The following PDS5B variants were observed in gnomAD, a reference collection of about 807,000 sequenced individuals.
The protein encoded by PDS5B is PDS5 cohesin associated factor B, also known as sister chromatid cohesion protein PDS5 homolog B.
A neutral mutation model predicts 184.1 loss-of-function variants in PDS5B; 51 were observed. That is an observed-to-expected ratio of 0.28 (90% CI 0.22 to 0.35). The LOEUF (loss-of-function observed/expected upper bound fraction) is 0.35. Among genes scored for constraint, PDS5B ranks in the 10% least tolerant of loss-of-function variants. The probability of loss-of-function intolerance (pLI) is 1.00; values close to 1 mark genes in which losing one functional copy is unlikely to be tolerated. For missense variants in PDS5B, 1,180 were observed against 1,723.3 expected (o/e 0.68, Z 5.58); for synonymous variants, 566 against 569.2 (o/e 0.99, Z 0.08).
intron 5 of PDS5B, among the ~76,000 whole-genome samples, chr13:32,658,868 C>A (rs766259763): frequency 3.3e-5 from 5 of 151,982 alleles, no homozygotes; most frequent in Admixed American, 6.5e-5. Context: ...CAGAGCAATT[C>A]AATTTTCTGA....
chr13:32,613,960 A>G (rs1159220363), intron 1 of PDS5B, among the ~76,000 whole-genome samples: 1 of 152,132 alleles, frequency 6.6e-6, no homozygotes, highest in Non-Finnish European at 1.5e-5. Context: ...CGTGTTGATA[A>G]CCTGTTCTGT....
At chr13:32,770,051 T>C in intron 31 of PDS5B, 70 bp from the exon 32 acceptor site, 1 of 1,365,004 alleles carries the variant, frequency 7.3e-7, no homozygotes, top group Non-Finnish European at 1.0e-6. Context: ...CAGATTTTTT[T>C]GTTTCATTCC....
intron 1 of PDS5B, among the ~76,000 whole-genome samples, chr13:32,608,591 A>G (rs1342242372): frequency 1.3e-5 from 2 of 152,192 alleles, no homozygotes; most frequent in Non-Finnish European, 2.9e-5. Flanking sequence ...GGGGGAGATC[A>G]TGGTTAAGCT....
chr13:32,672,689 C>T (rs77388065), intron 7 of PDS5B, among the ~76,000 whole-genome samples: 3 of 152,116 alleles, frequency 2.0e-5, no homozygotes, highest in Non-Finnish European at 4.4e-5. Context: ...AGATGAATGT[C>T]CCAGCCCAGA....
rs184437539 is a variant in PDS5B at position 32,603,128 on chromosome 13, G to T, written c.-20+16535G>T. Among the ~76,000 whole-genome samples, 45 of 152,304 alleles carry T rather than the reference G, an allele frequency of 3.0e-4. No individual in the cohort carries two copies. In the East Asian group the frequency reaches 8.3e-3, roughly 28 times the overall value. Reference sequence around the variant, plus strand: ...ATCCCATTTGTCAATTTTGGCATTTGTTGCCATTGCTTTTGGTGTTTTAGT... The same window carrying T: ...ATCCCATTTGTCAATTTTGGCATTTTTTGCCATTGCTTTTGGTGTTTTAGT... On this transcript the variant is annotated intron_variant, in intron 1 of 34. Transcript: ENST00000315596.
chr13:32,719,782 AC>A lies in PDS5B; in HGVS notation c.2123+9686del, dbSNP rs36113672. 2.1e-3 allele frequency among the ~76,000 whole-genome samples: 250 copies of A among 120,488 alleles called. 1 individual carries two copies. The highest frequency in any genetic ancestry group is 4.6e-3 in the Admixed American group (56 of 12,066). The allele number at this position is 120,488 out of a possible 152,430, so 79.0% of individuals were successfully genotyped here. Reference sequence around the variant, plus strand: ...AGGTTAATACCTGCAATGTATAAAGACCCCCCCCCCTTTTTTTTTTGTTTGA... The same window carrying A: ...AGGTTAATACCTGCAATGTATAAAGACCCCCCCCCTTTTTTTTTTGTTTGA... On this transcript the variant is annotated intron_variant, in intron 19 of 34. Transcript: ENST00000315596.
intron 24 of PDS5B, among the ~76,000 whole-genome samples, chr13:32,751,792 A>G (rs1337423972): frequency 6.6e-6 from 1 of 152,094 alleles, no homozygotes; most frequent in Non-Finnish European, 1.5e-5. Context: ...ATTTTCTCCC[A>G]TTCTGTAGTT....
chr13:32,773,308 A>G lies in PDS5B; in HGVS notation c.4292A>G (p.Glu1431Gly). 3 of 1,611,882 alleles carry G rather than the reference A, an allele frequency of 1.9e-6. No individual in the cohort carries two copies. The highest frequency in any genetic ancestry group is 2.5e-6 in the Non-Finnish European group (3 of 1,179,034). Residue 1431 changes from glutamate (E) to glycine (G), a missense_variant, in exon 34 of 35, where the codon GAA (glutamate) becomes GGA (glycine). Glu to Gly is a moderately conservative substitution (Grantham distance 98). Around this residue, in one of 11 missense-constraint regions of PDS5B, gnomAD observed 465 missense variants for 497.8 expected, o/e 0.93. Coordinates refer to ENST00000315596, the MANE Select transcript of PDS5B (RefSeq NM_015032.4). The part of the protein sequence containing the change: ...DIPQEETEEE[E>G]VSTVNVRRRS... ...CCACAGGAAGAAACAGAGGAGGAGGAAGTTTCTACAGTAAATGTATGTGTT... is the reference window on the plus strand; with the variant it reads ...CCACAGGAAGAAACAGAGGAGGAGGGAGTTTCTACAGTAAATGTATGTGTT...
At chr13:32,621,284 C>A (rs1256565051) in intron 1 of PDS5B, among the ~76,000 whole-genome samples, 1 of 152,064 alleles carries the variant, frequency 6.6e-6, no homozygotes, top group Non-Finnish European at 1.5e-5. Flanking sequence ...GGCAATATGG[C>A]AAAATTTTGT....
Position 32,770,671 on chromosome 13 carries a change from C to A in PDS5B, c.4082C>A (p.Ser1361Tyr). 6.2e-7 allele frequency: 1 copy of A among 1,611,188 alleles called. No individual in the cohort carries two copies. Among genetic ancestry groups the A allele is most frequent in the Non-Finnish European group, 8.5e-7 (1 of 1,178,750 alleles). ...RAQQRAESPESSAIESTQSTP... is the reference protein window; with the variant it reads ...RAQQRAESPEYSAIESTQSTP... ...CAAAGCAGAGCAGAATCTCCTGAAT[C>A]TAGTGCAATTGAATCCACACAGTCC... The change falls in exon 33 of 35, where the codon TCT becomes TAT. Residue 1361 changes from serine (S) to tyrosine (Y), a missense_variant. Ser to Tyr is a moderately radical substitution (Grantham distance 144). Coordinates refer to ENST00000315596, the MANE Select transcript of PDS5B (RefSeq NM_015032.4).
intron 25 of PDS5B, 118 bp from the exon 26 acceptor site, chr13:32,755,724 A>G: frequency 1.8e-6 from 1 of 550,744 alleles, no homozygotes; most frequent in South Asian, 2.9e-5. Context: ...TGCAGAAAAT[A>G]TAGTACGAAA....
chr13:32,760,770 CTAT>C, intron 30 of PDS5B, 50 bp downstream of exon 30: 2 of 1,522,540 alleles, frequency 1.3e-6, no homozygotes, highest in Non-Finnish European at 1.8e-6. Flanking sequence ...TCCAGCAAGG[CTAT>C]GAGATCTGAA....
chr13:32,666,563 A>G (rs191942456), intron 6 of PDS5B, among the ~76,000 whole-genome samples: 56 of 152,050 alleles, frequency 3.7e-4, no homozygotes, highest in African/African-American at 1.2e-3. Context: ...AAAATAGCAC[A>G]TGTATCCCCA....
intron 9 of PDS5B, among the ~76,000 whole-genome samples, chr13:32,676,990 T>C (rs1444367037): frequency 6.6e-6 from 1 of 151,600 alleles, no homozygotes; most frequent in Non-Finnish European, 1.5e-5. Context: ...TTCTTTGTGT[T>C]GAAATATTTG....
At chr13:32,615,448 TATA>T (rs58760591) in intron 1 of PDS5B, among the ~76,000 whole-genome samples, 51,012 of 151,798 alleles carry the variant, frequency 0.34, 8,736 homozygotes, top group Non-Finnish European at 0.37. Flanking sequence ...AAGTGAAATG[TATA>T]CCTATCATAA....
chr13:32,735,339 T>C lies in PDS5B; in HGVS notation c.2406+9T>C. On this transcript the variant is annotated intron_variant, in intron 21 of 34. Transcript: ENST00000315596. Reference sequence around the variant, plus strand: ...TTCTCATGAATGATCGGGTAATTTATATTTTTTAGATTCATGTTCTTTGTA... The same window carrying C: ...TTCTCATGAATGATCGGGTAATTTACATTTTTTAGATTCATGTTCTTTGTA... 1 of 1,588,746 alleles carries C rather than the reference T, an allele frequency of 6.3e-7. No homozygotes were observed. Among genetic ancestry groups the C allele is most frequent in the Non-Finnish European group, 8.6e-7 (1 of 1,164,164 alleles).
At position 32,631,441 on chromosome 13, in the gene PDS5B, G is replaced by T. The variant is rs537463395; in HGVS notation, c.-19-17313G>T. 3.3e-5 allele frequency among the ~76,000 whole-genome samples: 5 copies of T among 152,214 alleles called. No individual in the cohort carries two copies. In the East Asian group the frequency reaches 9.6e-4, roughly 29 times the overall value. ...TTATCTAACACATACATTGACATTT[G>T]TTGTCTGTTTTCCTTCAACTTTAAT... On this transcript the variant is annotated intron_variant, in intron 1 of 34. Coordinates refer to ENST00000315596, the MANE Select transcript of PDS5B (RefSeq NM_015032.4).
chr13:32,642,767 T>G (rs1950131357), intron 1 of PDS5B, among the ~76,000 whole-genome samples: 1 of 152,150 alleles, frequency 6.6e-6, no homozygotes, highest in South Asian at 2.1e-4. Flanking sequence ...TCAGAATGTT[T>G]TTTTCTGTCT....
At chr13:32,742,536 A>G (rs1392615386) in intron 22 of PDS5B, 55 bp from the exon 23 acceptor site, 31 of 1,456,472 alleles carry the variant, frequency 2.1e-5, no homozygotes, top group Non-Finnish European at 2.8e-5. Context: ...AAGTTGATAC[A>G]GAAATTCTTT....
Sources: allele counts gnomAD v4.1 joint callset (sites outside exome capture counted in the v4.1 genomes callset), GRCh38; gene constraint gnomAD v4.1.1; regional missense constraint gnomAD v4.1.1; transcripts MANE v1.5; gene names NCBI Gene and HGNC (gene_info 2026-07-23, HGNC 2026-07-21).